ASCC3: variants seen among roughly 807,000 people sequenced by gnomAD.
ASCC3 encodes the protein ASC-1 complex subunit P200.
In ASCC3, 158 loss-of-function variants were observed where a neutral mutation model predicts 256.3. The observed-to-expected ratio is 0.62, with a 90% CI of 0.54 to 0.70. The LOEUF (loss-of-function observed/expected upper bound fraction) is 0.70, where lower values mean the gene tolerates loss of function less well. ASCC3 is among the 30% of genes least tolerant of loss of function. The pLI is 0.00. For missense variants in ASCC3, 2,259 were observed against 2,626.0 expected, an observed-to-expected ratio of 0.86 and a Z score of 3.05; for synonymous variants, 948 against 883.4, an observed-to-expected ratio of 1.07 and a Z score of -1.30.
intron 37 of ASCC3, among the ~76,000 whole-genome samples, chr6:100,531,209 A>G (rs1774856955): frequency 6.6e-6 from 1 of 152,138 alleles, no homozygotes; most frequent in Non-Finnish European, 1.5e-5. Flanking sequence ...ACCATATTGT[A>G]TTTCATTCTT....
chr6:100,558,320 T>C (rs1328505226), intron 36 of ASCC3, among the ~76,000 whole-genome samples: 2 of 152,078 alleles, frequency 1.3e-5, no homozygotes, highest in African/African-American at 2.4e-5. Context: ...TACCCTGCTT[T>C]GATTAGGAAG....
intron 8 of ASCC3, among the ~76,000 whole-genome samples, chr6:100,772,941 A>C (rs1265727405): frequency 1.3e-5 from 2 of 152,182 alleles, no homozygotes; most frequent in Non-Finnish European, 2.9e-5. Context: ...TAACACAAGG[A>C]AGTTACAAAA....
At position 100,799,483 on chromosome 6, in the gene ASCC3, T is replaced by C. The variant is rs1182070161; in HGVS notation, c.1217A>G (p.Tyr406Cys). 2.5e-6 allele frequency: 4 copies of C among 1,613,218 alleles called. No individual in the cohort carries two copies. Among genetic ancestry groups the C allele is most frequent in the East Asian group, 2.2e-5 (1 of 44,810 alleles). Residue 406 changes from tyrosine (Y) to cysteine (C), a missense_variant, in exon 7 of 42, where the codon TAT (tyrosine) becomes TGT (cysteine). Around this residue, in one of 2 missense-constraint regions of ASCC3, gnomAD observed 1,839 missense variants for 2,206.7 expected, o/e 0.83. Transcript: ENST00000369162. ...DVEKIHYPHVYDSQAEAMKTS... is the reference protein window; with the variant it reads ...DVEKIHYPHVCDSQAEAMKTS... ...TTTCATGGCTTCAGCCTGGGAATCA[T>C]ACACATGGGGATAATGTATTTTTTC...
chr6:100,619,512 G>T (rs1773838149), intron 30 of ASCC3, among the ~76,000 whole-genome samples: 1 of 152,030 alleles, frequency 6.6e-6, no homozygotes, highest in African/African-American at 2.4e-5. Context: ...ATATAAAATT[G>T]CAATTTTCAA....
intron 14 of ASCC3, 149 bp downstream of exon 14, chr6:100,679,466 GATC>G: frequency 9.6e-7 from 1 of 1,041,052 alleles, no homozygotes; most frequent in African/African-American, 1.6e-5. Context: ...TTTAATAAAA[GATC>G]ATTAAGTCAA....
intron 36 of ASCC3, among the ~76,000 whole-genome samples, chr6:100,573,562 C>T (rs976917596): frequency 2.6e-5 from 4 of 152,044 alleles, no homozygotes; most frequent in African/African-American, 9.7e-5. Flanking sequence ...CAATGTTCTA[C>T]TTACTCAACG....
At chr6:100,541,655 G>A (rs1775470311) in intron 36 of ASCC3, among the ~76,000 whole-genome samples, 1 of 152,024 alleles carries the variant, frequency 6.6e-6, no homozygotes, top group African/African-American at 2.4e-5. Context: ...AAGATTTATA[G>A]GAATACAAAA....
At chr6:100,621,411 C>A (rs528778960) in intron 30 of ASCC3, among the ~76,000 whole-genome samples, 42 of 152,030 alleles carry the variant, frequency 2.8e-4, no homozygotes, top group Non-Finnish European at 5.9e-4. Context: ...AAGAACCCCA[C>A]TAAAAAGTGG....
intron 36 of ASCC3, among the ~76,000 whole-genome samples, chr6:100,581,113 G>A (rs959151307): frequency 6.6e-6 from 1 of 152,018 alleles, no homozygotes; most frequent in Non-Finnish European, 1.5e-5. Context: ...GGGATGGCTG[G>A]GTCAAATGGT....
At chr6:100,630,395 G>A (rs907000576) in intron 26 of ASCC3, among the ~76,000 whole-genome samples, 11 of 151,582 alleles carry the variant, frequency 7.3e-5, no homozygotes, top group African/African-American at 2.7e-4. Context: ...CCTATAGACA[G>A]CTAGTTCTCA....
intron 8 of ASCC3, among the ~76,000 whole-genome samples, chr6:100,773,941 T>G (rs1472889729): frequency 2.0e-5 from 3 of 152,196 alleles, no homozygotes; most frequent in Admixed American, 6.5e-5. Context: ...AAAACCTATT[T>G]CTTTGTTTTT....
chr6:100,614,650 T>G (rs1773570708), intron 30 of ASCC3, among the ~76,000 whole-genome samples: 1 of 152,134 alleles, frequency 6.6e-6, no homozygotes, highest in Non-Finnish European at 1.5e-5. Flanking sequence ...TGCCACCCTC[T>G]AATCACTACA....
intron 36 of ASCC3, among the ~76,000 whole-genome samples, chr6:100,578,872 C>T (rs936868491): frequency 6.6e-6 from 1 of 152,054 alleles, no homozygotes; most frequent in Non-Finnish European, 1.5e-5. Context: ...AACTAATTTA[C>T]ATTTCTACCA....
At position 100,617,114 on chromosome 6, in the gene ASCC3, C is replaced by T. The variant is rs1257576202; in HGVS notation, c.4785+8078G>A. ...CTGCCTCCTGGGTTCAAACAATTAT[C>T]ATGCCTCAGCCTCCCGAGTAGCTGG... On this transcript the variant is annotated intron_variant, in intron 30 of 41. Transcript: ENST00000369162. Among the ~76,000 whole-genome samples the T allele has an allele frequency of 3.3e-5, 5 of 152,210 alleles. 1 individual carries two copies. In the East Asian group the frequency reaches 9.7e-4, roughly 30 times the overall value.
intron 25 of ASCC3, among the ~76,000 whole-genome samples, chr6:100,632,277 A>C (rs931952777): frequency 6.6e-6 from 1 of 151,810 alleles, no homozygotes; most frequent in South Asian, 2.1e-4. Flanking sequence ...GAGGTAAAAA[A>C]TCTGTACAAT....
intron 30 of ASCC3, among the ~76,000 whole-genome samples, chr6:100,614,715 C>T (rs778715107): frequency 2.0e-5 from 3 of 152,010 alleles, no homozygotes; most frequent in Non-Finnish European, 4.4e-5. Flanking sequence ...ATTAATCAGG[C>T]TTAAGGGTGA....
chr6:100,729,519 C>T (rs545310817), intron 10 of ASCC3, among the ~76,000 whole-genome samples: 1 of 152,058 alleles, frequency 6.6e-6, no homozygotes, highest in Admixed American at 6.6e-5. Flanking sequence ...AAATGGAGTC[C>T]TAAGGTTTTA....
intron 34 of ASCC3, among the ~76,000 whole-genome samples, chr6:100,595,790 G>T (rs1180723143): frequency 6.6e-6 from 1 of 152,076 alleles, no homozygotes; most frequent in Non-Finnish European, 1.5e-5. Flanking sequence ...TACTAAATGA[G>T]TTAAGCTCCT....
chr6:100,824,019 T>A (rs1453546025), intron 4 of ASCC3, among the ~76,000 whole-genome samples: 2 of 152,072 alleles, frequency 1.3e-5, no homozygotes, highest in African/African-American at 4.8e-5. Context: ...ATAAATCCTA[T>A]AAAAATCGGC....
Sources: gnomAD v4.1 joint callset for allele counts (sites outside exome capture counted in the v4.1 genomes callset) on GRCh38, gnomAD v4.1.1 for gene constraint, gnomAD v4.1.1 regional missense constraint, MANE v1.5 for transcripts, NCBI Gene and HGNC (gene_info 2026-07-23, HGNC 2026-07-21) for gene names.